DOCK1: variants seen among roughly 807,000 people sequenced by gnomAD.
DOCK1 encodes dedicator of cytokinesis 1.
A neutral mutation model predicts 262.7 loss-of-function variants in DOCK1; 138 were observed. The observed-to-expected ratio is 0.53, with a 90% CI of 0.46 to 0.61. The LOEUF (loss-of-function observed/expected upper bound fraction) is 0.61, where lower values mean the gene tolerates loss of function less well. DOCK1 is among the 20% of genes least tolerant of loss of function. The probability of loss-of-function intolerance (pLI) is 0.00; values close to 1 mark genes in which losing one functional copy is unlikely to be tolerated. For missense variants in DOCK1, 1,908 were observed against 2,370.7 expected, an observed-to-expected ratio of 0.80 and a Z score of 4.05; for synonymous variants, 866 against 867.4, an observed-to-expected ratio of 1.00 and a Z score of 0.03.
chr10:126,960,877 A>C (rs895475024), intron 1 of DOCK1, among the ~76,000 whole-genome samples: 1,841 of 151,804 alleles, frequency 0.012, 28 homozygotes, highest in African/African-American at 0.035. Flanking sequence ...CAATAGAAAA[A>C]AAAAAAGAAA....
chr10:127,051,905 C>T (rs1314411965), intron 21 of DOCK1, among the ~76,000 whole-genome samples: 1 of 152,020 alleles, frequency 6.6e-6, no homozygotes, highest in African/African-American at 2.4e-5. Context: ...TTTTAAAGTG[C>T]AATGTTGAGA....
At chr10:127,250,731 G>A (rs2059597833) in intron 28 of DOCK1, among the ~76,000 whole-genome samples, 1 of 138,790 alleles carries the variant, frequency 7.2e-6, no homozygotes, top group Non-Finnish European at 1.5e-5. Flanking sequence ...GGCAGAGGTT[G>A]CAGTGAGCCG....
At chr10:127,391,793 C>G (rs1014276464) in intron 38 of DOCK1, among the ~76,000 whole-genome samples, 1 of 152,094 alleles carries the variant, frequency 6.6e-6, no homozygotes, top group Admixed American at 6.6e-5. Context: ...GTCTGAGATC[C>G]CTACCCACTC....
chr10:127,440,985 C>T (rs913652056), intron 49 of DOCK1, among the ~76,000 whole-genome samples: 1 of 152,236 alleles, frequency 6.6e-6, no homozygotes, highest in African/African-American at 2.4e-5. Context: ...AGGTAGATTT[C>T]TCAAGTCTCA....
intron 29 of DOCK1, among the ~76,000 whole-genome samples, chr10:127,289,017 G>A (rs1173574420): frequency 1.3e-5 from 2 of 151,990 alleles, no homozygotes; most frequent in East Asian, 3.9e-4. Flanking sequence ...TTAGAATAAT[G>A]TGTCTCAGAT....
intron 27 of DOCK1, among the ~76,000 whole-genome samples, chr10:127,172,779 G>A (rs1178018690): frequency 1.3e-5 from 2 of 152,168 alleles, no homozygotes; most frequent in Non-Finnish European, 2.9e-5. Flanking sequence ...CCTTTGTCTT[G>A]ATTTAAGGTG....
chr10:126,912,884 T>TG (rs1165344132), intron 1 of DOCK1, among the ~76,000 whole-genome samples: 2 of 152,138 alleles, frequency 1.3e-5, no homozygotes, highest in Non-Finnish European at 2.9e-5. Context: ...GTTAGAACAC[T>TG]GACATATGGA....
intron 27 of DOCK1, among the ~76,000 whole-genome samples, chr10:127,152,444 C>T (rs776118957): frequency 7.9e-5 from 12 of 152,234 alleles, no homozygotes; most frequent in Non-Finnish European, 1.5e-4. Flanking sequence ...AGCAGCTTGG[C>T]GTGCCATGCC....
chr10:127,429,000 G>GGGGTGCCGTGT (rs1565085480), intron 47 of DOCK1, among the ~76,000 whole-genome samples: 3,747 of 134,630 alleles, frequency 0.028, 101 homozygotes, highest in East Asian at 0.043. Context: ...CGTGTGGATT[G>GGGGTGCCGTGT]GGATGCCGTG....
intron 1 of DOCK1, among the ~76,000 whole-genome samples, chr10:126,942,857 G>A (rs965112666): frequency 8.4e-4 from 128 of 152,228 alleles, no homozygotes; most frequent in African/African-American, 3.0e-3. Flanking sequence ...CATGTTTCAT[G>A]ACCTCAGTAT....
chr10:126,914,382 TG>T (rs143896864), intron 1 of DOCK1, among the ~76,000 whole-genome samples: 71 of 152,176 alleles, frequency 4.7e-4, no homozygotes, highest in South Asian at 1.0e-3. Context: ...CTGAGTGATT[TG>T]TTTCAGTTTT....
At chr10:126,960,211 G>T (rs1241941549) in intron 1 of DOCK1, among the ~76,000 whole-genome samples, 6 of 152,108 alleles carry the variant, frequency 3.9e-5, no homozygotes, top group Non-Finnish European at 5.9e-5. Context: ...GTGAGCATTT[G>T]TGGCACTCCA....
intron 30 of DOCK1, 49 bp from the exon 31 acceptor site, chr10:127,343,597 T>A (rs776531060): frequency 2.9e-6 from 4 of 1,400,128 alleles, no homozygotes; most frequent in Non-Finnish European, 4.0e-6. Flanking sequence ...GTTGAGATCC[T>A]ATATCAAGCT....
At chr10:126,961,644 C>G (rs1012946337) in intron 1 of DOCK1, among the ~76,000 whole-genome samples, 1 of 152,318 alleles carries the variant, frequency 6.6e-6, no homozygotes, top group Middle Eastern at 3.4e-3. Context: ...TCAGTGTCTT[C>G]AAGGTTCACC....
intron 48 of DOCK1, among the ~76,000 whole-genome samples, chr10:127,435,011 T>G (rs1404621963): frequency 6.6e-6 from 1 of 152,162 alleles, no homozygotes; most frequent in East Asian, 1.9e-4. Flanking sequence ...GCCACCTTCT[T>G]TGTACAAGGC....
intron 23 of DOCK1, among the ~76,000 whole-genome samples, chr10:127,071,801 G>C (rs904323555): frequency 2.6e-5 from 4 of 152,192 alleles, no homozygotes; most frequent in Non-Finnish European, 5.9e-5. Context: ...TTGATAAGTA[G>C]TGTGTGTTTA....
At chr10:127,162,700 A>G (rs1448387539) in intron 27 of DOCK1, among the ~76,000 whole-genome samples, 12 of 152,132 alleles carry the variant, frequency 7.9e-5, no homozygotes. Flanking sequence ...AGTTATTTCT[A>G]CTTAGTGTTC....
At chr10:127,293,954 TC>T (rs2061424201) in intron 29 of DOCK1, among the ~76,000 whole-genome samples, 1 of 152,232 alleles carries the variant, frequency 6.6e-6, no homozygotes, top group South Asian at 2.1e-4. Context: ...AGTCATCTGA[TC>T]TGCCTCCATC....
intron 1 of DOCK1, among the ~76,000 whole-genome samples, chr10:126,908,092 G>A (rs2031199879): frequency 6.8e-6 from 1 of 146,556 alleles, no homozygotes; most frequent in African/African-American, 2.5e-5. Flanking sequence ...CACTCCATCG[G>A]CATCCAGAGG....
Sources: allele counts gnomAD v4.1 joint callset (sites outside exome capture counted in the v4.1 genomes callset), GRCh38; gene constraint gnomAD v4.1.1; transcripts MANE v1.5; gene names NCBI Gene and HGNC (gene_info 2026-07-23, HGNC 2026-07-21).